Variants in SESTD1 observed in about 807,000 individuals in gnomAD.
SESTD1 encodes SEC14 domain and spectrin repeat-containing protein 1.
SESTD1 carries 43 observed loss-of-function variants against 101.7 expected under a neutral mutation model. The ratio of observed to expected loss-of-function variants is 0.42; its 90% CI spans 0.33 to 0.55. The LOEUF is 0.55. SESTD1 is among the 20% of genes least tolerant of loss of function. SESTD1 has a pLI of 0.07. For missense variants in SESTD1, 647 were observed against 815.1 expected (o/e 0.79, Z 2.51); for synonymous variants, 283 against 286.8 (o/e 0.99, Z 0.13).
intron 1 of SESTD1, among the ~76,000 whole-genome samples, chr2:179,259,204 T>TA (rs2047444394): frequency 1.3e-5 from 2 of 152,174 alleles, no homozygotes; most frequent in Non-Finnish European, 2.9e-5. Context: ...GATAAGGTTG[T>TA]AAAGTGCCTA....
At chr2:179,236,474 G>A (rs1228719504) in intron 1 of SESTD1, among the ~76,000 whole-genome samples, 2 of 151,948 alleles carry the variant, frequency 1.3e-5, no homozygotes, top group Non-Finnish European at 2.9e-5. Context: ...TCTAACCCGG[G>A]CAACACAGAG....
Position 179,112,743 on chromosome 2 carries a change from G to C in SESTD1, c.1942C>G (p.Pro648Ala). 6.2e-7 allele frequency: 1 copy of C among 1,612,284 alleles called. No homozygotes were observed. The highest frequency in any genetic ancestry group is 1.1e-5 in the South Asian group (1 of 90,966). Residue 648 changes from proline to alanine, a missense_variant, in exon 17 of 18, where the codon CCA (proline) becomes GCA (alanine). By Grantham distance (27) the Pro-to-Ala change is conservative. This residue lies in a region of SESTD1 where 476 missense variants were observed against 562.6 expected (regional missense o/e 0.85). Coordinates refer to ENST00000428443, the MANE Select transcript of SESTD1 (RefSeq NM_178123.5). ...CCATACCCATCAGGATAAACTACTG[G>C]AACAGTTAATCTATCCAAAAGTGAT... ...GKSLLDRLTV[P>A]VVYPDGTEQY... is the part of the protein sequence containing the mutation.
Position 179,106,713 on chromosome 2 carries a change from C to G in SESTD1, c.*3186G>C, listed in dbSNP as rs1413096117. The G allele has an allele frequency of 6.6e-6, 1 of 152,092 alleles. No individual in the cohort carries two copies. The highest frequency in any genetic ancestry group is 1.5e-5 in the Non-Finnish European group (1 of 68,014). 9.4% of individuals were successfully genotyped at this position (152,092 alleles called of 1,614,324 possible). The stretch of plus-strand genomic sequence containing the variant: ...TTCTACCTAACAATGAAGCCTAGAC[C>G]TGCCATCAATATCCCAGCTGGCAGG... On this transcript the variant is annotated 3_prime_UTR_variant, in exon 18 of 18. Coordinates refer to ENST00000428443, the MANE Select transcript of SESTD1 (RefSeq NM_178123.5).
chr2:179,218,079 T>G (rs1035641782), intron 1 of SESTD1, among the ~76,000 whole-genome samples: 2 of 152,194 alleles, frequency 1.3e-5, no homozygotes, highest in South Asian at 4.1e-4. Flanking sequence ...TGTATACCTA[T>G]GTAACAAACC....
At chr2:179,204,741 C>T (rs1361216451) in intron 1 of SESTD1, among the ~76,000 whole-genome samples, 1 of 135,344 alleles carries the variant, frequency 7.4e-6, no homozygotes, top group Non-Finnish European at 1.6e-5. Context: ...AATGCTTTTA[C>T]ACCATCAGCA....
intron 12 of SESTD1, among the ~76,000 whole-genome samples, chr2:179,122,187 G>A (rs568342571): frequency 6.6e-6 from 1 of 152,160 alleles, no homozygotes; most frequent in Non-Finnish European, 1.5e-5. Context: ...GGTTTCCATA[G>A]ACAATAATTA....
chr2:179,199,790 T>C lies in SESTD1; in HGVS notation c.-25-7924A>G, dbSNP rs549312420. On this transcript the variant is annotated intron_variant, in intron 1 of 17. Transcript: ENST00000428443. The stretch of plus-strand genomic sequence containing the variant: ...CTAAAAACTCTCAATAAATTAGGTA[T>C]TGATGGGACATATTTCAAAATAATA... Among the ~76,000 whole-genome samples the C allele has an allele frequency of 2.2e-3, 335 of 152,356 alleles. 1 individual carries two copies. Among genetic ancestry groups the C allele is most frequent in the African/African-American group, 7.5e-3 (312 of 41,584 alleles).
intron 1 of SESTD1, among the ~76,000 whole-genome samples, chr2:179,207,153 T>C (rs1006472740): frequency 3.0e-5 from 4 of 134,004 alleles, no homozygotes; most frequent in East Asian, 2.0e-4. Flanking sequence ...GGGAGCTCTA[T>C]GGCCACAACC....
At chr2:179,191,707 G>C (rs981490481) in intron 2 of SESTD1, 80 bp downstream of exon 2, 23 of 1,118,222 alleles carry the variant, frequency 2.1e-5, no homozygotes, top group Middle Eastern at 2.8e-4. Context: ...AAAAAAAAAT[G>C]CATCTGTCAT....
chr2:179,206,201 C>T lies in SESTD1; in HGVS notation c.-25-14335G>A, dbSNP rs1046834963. On this transcript the variant is annotated intron_variant, in intron 1 of 17. Transcript: ENST00000428443. ...GGACAGACAGTACAGCATCTGGAGACGCATATTGTTAACTTTTGTTCCAAG... is the reference window on the plus strand; with the variant it reads ...GGACAGACAGTACAGCATCTGGAGATGCATATTGTTAACTTTTGTTCCAAG... Among the ~76,000 whole-genome samples, 10 of 135,304 alleles carry T rather than the reference C, an allele frequency of 7.4e-5. 4 individuals are homozygous for T. The highest frequency in any genetic ancestry group is 2.6e-4 in the African/African-American group (9 of 34,350). 88.8% of individuals were successfully genotyped at this position (135,304 alleles called of 152,430 possible). A position where few individuals can be genotyped will look rare whatever the true frequency, so the allele number is the denominator to read the frequency against.
chr2:179,113,865 C>CAAAA (rs778424702), intron 16 of SESTD1, among the ~76,000 whole-genome samples: 1 of 90,486 alleles, frequency 1.1e-5, no homozygotes, highest in Non-Finnish European at 2.5e-5. Flanking sequence ...GACTCTGTCT[C>CAAAA]AAAAAAAAAA....
intron 9 of SESTD1, among the ~76,000 whole-genome samples, chr2:179,141,028 C>T (rs1169088896): frequency 1.3e-5 from 2 of 152,210 alleles, no homozygotes; most frequent in African/African-American, 4.8e-5. Flanking sequence ...TCTCAACTTT[C>T]TCTTCGGACA....
chr2:179,151,264 T>C lies in SESTD1; in HGVS notation c.483+14A>G. On this transcript the variant is annotated intron_variant, in intron 6 of 17. Coordinates refer to ENST00000428443, the MANE Select transcript of SESTD1 (RefSeq NM_178123.5). ...TCTATGCAATAACATTTTATCTCAT[T>C]GTAATATACCAACCAGCCTCTTATT... 6.6e-7 allele frequency: 1 copy of C among 1,504,346 alleles called. No individual in the cohort carries two copies. The highest frequency in any genetic ancestry group is 2.1e-5 in the Admixed American group (1 of 48,028). The allele number at this position is 1,504,346 out of a possible 1,614,324, so 93.2% of individuals were successfully genotyped here.
intron 1 of SESTD1, among the ~76,000 whole-genome samples, chr2:179,196,200 G>A (rs1480288111): frequency 1.3e-5 from 2 of 152,208 alleles, no homozygotes; most frequent in Non-Finnish European, 2.9e-5. Context: ...GTGACAGATG[G>A]CACCTGGAAA....
chr2:179,166,280 G>A (rs2045833011), intron 5 of SESTD1, among the ~76,000 whole-genome samples: 1 of 152,114 alleles, frequency 6.6e-6, no homozygotes, highest in African/African-American at 2.4e-5. Flanking sequence ...AGCCTCTCTT[G>A]GAGCACAAGC....
intron 15 of SESTD1, among the ~76,000 whole-genome samples, chr2:179,116,409 G>T (rs2044634317): frequency 6.6e-6 from 1 of 152,168 alleles, no homozygotes; most frequent in Non-Finnish European, 1.5e-5. Flanking sequence ...TGGATGAACA[G>T]TTGGATTGCC....
At chr2:179,180,041 T>C (rs950162254) in intron 3 of SESTD1, among the ~76,000 whole-genome samples, 1 of 152,230 alleles carries the variant, frequency 6.6e-6, no homozygotes, top group Non-Finnish European at 1.5e-5. Flanking sequence ...TCTATCACTC[T>C]GACTCTTTTC....
chr2:179,111,198 A>T (rs2044497944), intron 17 of SESTD1, among the ~76,000 whole-genome samples: 1 of 152,198 alleles, frequency 6.6e-6, no homozygotes, highest in African/African-American at 2.4e-5. Context: ...GTGTAATACA[A>T]CTTTAGGTGA....
At chr2:179,250,770 T>C (rs1007463497) in intron 1 of SESTD1, among the ~76,000 whole-genome samples, 1 of 152,218 alleles carries the variant, frequency 6.6e-6, no homozygotes, top group African/African-American at 2.4e-5. Context: ...ACACAACCTA[T>C]GAAATTTGTG....
Sources: allele counts gnomAD v4.1 joint callset (sites outside exome capture counted in the v4.1 genomes callset), GRCh38; gene constraint gnomAD v4.1.1; regional missense constraint gnomAD v4.1.1; transcripts MANE v1.5; gene names NCBI Gene and HGNC (gene_info 2026-07-23, HGNC 2026-07-21).